Variants in FSTL5 observed in about 807,000 individuals in gnomAD.
The protein encoded by FSTL5 is follistatin-related protein 5.
FSTL5 carries 62 observed loss-of-function variants against 89.1 expected under a neutral mutation model. That is an observed-to-expected ratio of 0.70 (90% confidence interval 0.57 to 0.86). The LOEUF (loss-of-function observed/expected upper bound fraction) is 0.86. Ranked by LOEUF, FSTL5 falls within the 40% of genes least tolerant of loss-of-function variation. The pLI is 0.00. For synonymous variants in FSTL5, 383 were observed against 346.2 expected (o/e 1.11, Z -1.18); for missense variants, 1,057 against 1,001.6 (o/e 1.06, Z -0.75).
chr4:161,675,317 A>G (rs1393534052), intron 6 of FSTL5, among the ~76,000 whole-genome samples: 2 of 151,730 alleles, frequency 1.3e-5, no homozygotes, highest in African/African-American at 2.4e-5. Flanking sequence ...GTAACATCAT[A>G]TTTTCTACTA....
chr4:161,570,473 A>G (rs1409395839), intron 8 of FSTL5, among the ~76,000 whole-genome samples: 2 of 152,174 alleles, frequency 1.3e-5, no homozygotes. Context: ...TACCACAAAA[A>G]CTGAGAAATC....
intron 6 of FSTL5, among the ~76,000 whole-genome samples, chr4:161,703,106 C>A (rs1024761065): frequency 6.6e-6 from 1 of 151,994 alleles, no homozygotes; most frequent in African/African-American, 2.4e-5. Flanking sequence ...CATCTACAAG[C>A]AAAGGAGAGA....
At chr4:162,096,173 T>C (rs2200213) in intron 2 of FSTL5, among the ~76,000 whole-genome samples, 115,814 of 151,636 alleles carry the variant, frequency 0.76, 45,058 homozygotes, top group Non-Finnish European at 0.84. Flanking sequence ...AAAAAAATTT[T>C]TGAATCATCC....
At chr4:161,731,108 A>G (rs1739591996) in intron 6 of FSTL5, among the ~76,000 whole-genome samples, 1 of 152,182 alleles carries the variant, frequency 6.6e-6, no homozygotes, top group South Asian at 2.1e-4. Context: ...TTGCACCCTT[A>G]AGTTGCAAAA....
intron 4 of FSTL5, among the ~76,000 whole-genome samples, chr4:161,831,485 G>T (rs1730842841): frequency 6.6e-6 from 1 of 151,586 alleles, no homozygotes; most frequent in Non-Finnish European, 1.5e-5. Context: ...AAAATTGAAA[G>T]TTTTAAATAT....
intron 2 of FSTL5, among the ~76,000 whole-genome samples, chr4:162,044,766 G>A (rs771876793): frequency 5.3e-5 from 8 of 152,036 alleles, no homozygotes; most frequent in Admixed American, 3.9e-4. Context: ...TTGGTGCTTC[G>A]CCTTGCACTC....
intron 4 of FSTL5, among the ~76,000 whole-genome samples, chr4:161,783,928 G>A (rs1214738452): frequency 6.8e-6 from 1 of 147,490 alleles, no homozygotes; most frequent in Non-Finnish European, 1.5e-5. Context: ...ACCATGCCTG[G>A]CTAATTATTA....
chr4:161,656,329 T>G lies in FSTL5; in HGVS notation c.893A>C (p.Asn298Thr), dbSNP rs1464635217. ...AAGCAACTATATTTATGTACTCACA[T>G]TGATGTCTTCCAAATCTAAATTATT... ...ILNNLDLEDI[N>T]DFGDDGSLYI... Residue 298 changes from asparagine to threonine, a missense_variant and splice_region_variant, in exon 7 of 16, where the codon AAT (asparagine) becomes ACT (threonine). By Grantham distance (65) the Asn-to-Thr change is moderately conservative. This residue lies in a region of FSTL5 where 980 missense variants were observed against 903.2 expected (regional missense o/e 1.08). Coordinates refer to ENST00000306100, the MANE Select transcript of FSTL5 (RefSeq NM_020116.5). 1 of 1,517,204 alleles carries G rather than the reference T, an allele frequency of 6.6e-7. No homozygotes were observed. 94.0% of individuals were successfully genotyped at this position (1,517,204 alleles called of 1,614,324 possible). A position where few individuals can be genotyped will look rare whatever the true frequency, so the allele number is the denominator to read the frequency against.
intron 1 of FSTL5, among the ~76,000 whole-genome samples, chr4:162,160,273 A>G (rs569796029): frequency 6.6e-6 from 1 of 151,960 alleles, no homozygotes; most frequent in African/African-American, 2.4e-5. Flanking sequence ...TCAATTCATC[A>G]ATACTAAGGT....
chr4:161,666,663 A>G (rs565537491), intron 6 of FSTL5, among the ~76,000 whole-genome samples: 1 of 152,258 alleles, frequency 6.6e-6, no homozygotes, highest in Admixed American at 6.5e-5. Context: ...AGAAGAAAAG[A>G]GAAGACCCCT....
intron 6 of FSTL5, among the ~76,000 whole-genome samples, chr4:161,730,475 T>A (rs1255744301): frequency 3.9e-5 from 6 of 152,056 alleles, no homozygotes; most frequent in Non-Finnish European, 1.5e-5. Context: ...TTATTTTTAA[T>A]TTTATTTGTT....
chr4:161,475,292 C>A (rs1578862713), intron 13 of FSTL5, among the ~76,000 whole-genome samples: 1 of 151,914 alleles, frequency 6.6e-6, no homozygotes, highest in Non-Finnish European at 1.5e-5. Flanking sequence ...TCTTATTTTT[C>A]TTCAAATTTG....
intron 2 of FSTL5, chr4:162,043,386 G>C (rs1197545136): frequency 6.6e-6 from 1 of 152,116 alleles, no homozygotes. Flanking sequence ...AAGTGTGTAG[G>C]AGCATTATGT....
At chr4:161,785,696 A>G (rs1405590803) in intron 4 of FSTL5, among the ~76,000 whole-genome samples, 2 of 152,186 alleles carry the variant, frequency 1.3e-5, no homozygotes, top group Non-Finnish European at 1.5e-5. Flanking sequence ...ATAGGAATAT[A>G]GTACTCTTCC....
intron 15 of FSTL5, among the ~76,000 whole-genome samples, chr4:161,454,728 G>A (rs1018850145): frequency 1.3e-5 from 2 of 152,092 alleles, no homozygotes; most frequent in Non-Finnish European, 2.9e-5. Flanking sequence ...AAATCTTAAT[G>A]ACAATTTGCA....
intron 4 of FSTL5, among the ~76,000 whole-genome samples, chr4:161,861,752 T>C (rs963217573): frequency 6.6e-6 from 1 of 152,236 alleles, no homozygotes; most frequent in Non-Finnish European, 1.5e-5. Context: ...TTTTTCACTT[T>C]AATTCTCTGA....
rs116568113 is a variant in FSTL5 at position 161,759,750 on chromosome 4, G to A, written c.607-219C>T. Among the ~76,000 whole-genome samples the A allele has an allele frequency of 7.8e-3, 1,181 of 152,156 alleles. 14 individuals carry two copies. Among genetic ancestry groups the A allele is most frequent in the African/African-American group, 0.027 (1,102 of 41,512 alleles). On this transcript the variant is annotated intron_variant, in intron 5 of 15. Transcript: ENST00000306100. Reference sequence around the variant, plus strand: ...TGTTAAGATAGGTAATTACAATTTCGTTCAAACGTTCTAATATAAAAGTTT... The same window carrying A: ...TGTTAAGATAGGTAATTACAATTTCATTCAAACGTTCTAATATAAAAGTTT...
At chr4:161,513,272 G>GGGGAGAGA (rs1349844190) in intron 10 of FSTL5, among the ~76,000 whole-genome samples, 4 of 110,026 alleles carry the variant, frequency 3.6e-5, no homozygotes, top group African/African-American at 1.4e-4. Context: ...ACAAGGAGGG[G>GGGGAGAGA]GAGAGAGAGA....
chr4:161,797,730 A>AT (rs1047384631), intron 4 of FSTL5, among the ~76,000 whole-genome samples: 5 of 151,578 alleles, frequency 3.3e-5, no homozygotes, highest in South Asian at 2.1e-4. Context: ...ATGAGACATC[A>AT]TTTTTCTCAT....
Sources: allele counts gnomAD v4.1 joint callset (sites outside exome capture counted in the v4.1 genomes callset), GRCh38; gene constraint gnomAD v4.1.1; regional missense constraint gnomAD v4.1.1; transcripts MANE v1.5; gene names NCBI Gene and HGNC (gene_info 2026-07-23, HGNC 2026-07-21).